Variants in RGS9BP observed in about 807,000 individuals in gnomAD.
The protein encoded by RGS9BP is regulator of G protein signaling 9-binding protein.
RGS9BP carries 1 observed loss-of-function variant against 3.8 expected under a neutral mutation model. The observed-to-expected ratio is 0.26, with a 90% CI of 0.09 to 1.24. The LOEUF (loss-of-function observed/expected upper bound fraction) is 1.24. Ranked by LOEUF, RGS9BP falls within the 50% of genes most tolerant of loss-of-function variation. RGS9BP has a pLI of 0.48. For synonymous variants in RGS9BP, 200 were observed against 177.8 expected (o/e 1.13, Z -1.00); for missense variants, 363 against 344.3 (o/e 1.05, Z -0.43).
In RGS9BP at chr19:32,676,573, C is replaced by G; in HGVS notation, c.310C>G (p.Pro104Ala). 1 of 1,407,792 alleles carries G rather than the reference C, an allele frequency of 7.1e-7. No homozygotes were observed. The highest frequency in any genetic ancestry group is 9.1e-7 in the Non-Finnish European group (1 of 1,094,112). The allele number at this position is 1,407,792 out of a possible 1,614,324, so 87.2% of individuals were successfully genotyped here. A position where few individuals can be genotyped will look rare whatever the true frequency, so the allele number is the denominator to read the frequency against. ...CGCGCTGGAGCTGGGCGCCGCGTTCCCGCTGCACGCGCCGCGGCGGCCGCT... is the reference window on the plus strand; with the variant it reads ...CGCGCTGGAGCTGGGCGCCGCGTTCGCGCTGCACGCGCCGCGGCGGCCGCT... ...RRALELGAAF[P>A]LHAPRRPLVR... is the part of the protein sequence containing the mutation. Residue 104 changes from proline (P) to alanine (A), a missense_variant, in exon 1 of 1, where the codon CCG (proline) becomes GCG (alanine). Pro to Ala is a conservative substitution (Grantham distance 27). Coordinates refer to ENST00000334176, the MANE Select transcript of RGS9BP (RefSeq NM_207391.3).
In RGS9BP at chr19:32,677,441, T is replaced by G. The variant is rs1968029952; in HGVS notation, c.*470T>G. On this transcript the variant is annotated 3_prime_UTR_variant, in exon 1 of 1. Coordinates refer to ENST00000334176, the MANE Select transcript of RGS9BP (RefSeq NM_207391.3). Reference sequence around the variant, plus strand: ...GGTCTGTTTCCCGGACAAGAAAAATTGCAATCAAATGTCAGCAGCTTTTAT... The same window carrying G: ...GGTCTGTTTCCCGGACAAGAAAAATGGCAATCAAATGTCAGCAGCTTTTAT... 5.6e-6 allele frequency: 1 copy of G among 178,168 alleles called. No homozygotes were observed. The highest frequency in any genetic ancestry group is 1.3e-5 in the Non-Finnish European group (1 of 74,942). The allele number at this position is 178,168 out of a possible 1,614,324, so 11.0% of individuals were successfully genotyped here.
chr19:32,677,079 G>A lies in RGS9BP; in HGVS notation c.*108G>A. On this transcript the variant is annotated 3_prime_UTR_variant, in exon 1 of 1. Coordinates refer to ENST00000334176, the MANE Select transcript of RGS9BP (RefSeq NM_207391.3). ...GGGGAGTGGTCCTAAAACCCCGTGT[G>A]TGCATGGGTACACGCGCGTTTCCAG... The A allele has an allele frequency of 1.1e-6, 1 of 946,438 alleles. No homozygotes were observed. Among genetic ancestry groups the A allele is most frequent in the Non-Finnish European group, 1.7e-6 (1 of 598,158 alleles). 58.6% of individuals were successfully genotyped at this position (946,438 alleles called of 1,614,324 possible). A position where few individuals can be genotyped will look rare whatever the true frequency, so the allele number is the denominator to read the frequency against.
chr19:32,676,148 AT>A lies in RGS9BP; in HGVS notation c.-115del. On this transcript the variant is annotated 5_prime_UTR_variant, in exon 1 of 1. An upstream start codon of the reference 5' UTR is lost. Transcript: ENST00000334176. Reference sequence around the variant, plus strand: ...GGTAGCGCCGAGCGAGTCACGGACCATGAAGAGCGTTCGTGCCGCGCGGCCC... The same window carrying A: ...GGTAGCGCCGAGCGAGTCACGGACCAGAAGAGCGTTCGTGCCGCGCGGCCC... 1.5e-6 allele frequency: 1 copy of A among 670,606 alleles called. No individual in the cohort carries two copies. The highest frequency in any genetic ancestry group is 3.1e-5 in the Admixed American group (1 of 32,196). The allele number at this position is 670,606 out of a possible 1,614,324, so 41.5% of individuals were successfully genotyped here. A position where few individuals can be genotyped will look rare whatever the true frequency, so the allele number is the denominator to read the frequency against.
chr19:32,675,941 A>T lies in RGS9BP; in HGVS notation c.-323A>T. ...GGCACCCACGGAGGATGGGGACCGCACCCTCAGCTTCGCAGGGAGCCACCG... is the reference window on the plus strand; with the variant it reads ...GGCACCCACGGAGGATGGGGACCGCTCCCTCAGCTTCGCAGGGAGCCACCG... On this transcript the variant is annotated 5_prime_UTR_variant, in exon 1 of 1. Coordinates refer to ENST00000334176, the MANE Select transcript of RGS9BP (RefSeq NM_207391.3). The T allele has an allele frequency of 3.6e-6, 1 of 280,114 alleles. No homozygotes were observed. The highest frequency in any genetic ancestry group is 1.0e-3 in the Middle Eastern group (1 of 1,004). The allele number at this position is 280,114 out of a possible 1,614,324, so 17.4% of individuals were successfully genotyped here.
chr19:32,676,392 G>T lies in RGS9BP; in HGVS notation c.129G>T (p.Thr43=). 6.2e-7 allele frequency: 1 copy of T among 1,609,038 alleles called. No homozygotes were observed. Among genetic ancestry groups the T allele is most frequent in the South Asian group, 1.1e-5 (1 of 90,988 alleles). ...SQNLRQELQK[T]RQKAQELAVS... ...ACCTGCGGCAGGAGCTGCAAAAGAC[G>T]CGCCAGAAGGCGCAGGAGCTGGCGG... Residue 43 remains threonine (T), a synonymous_variant, in exon 1 of 1, where the codon ACG becomes ACT. Transcript: ENST00000334176.
Position 32,676,803 on chromosome 19 carries a change from G to A in RGS9BP, c.540G>A (p.Ala180=), listed in dbSNP as rs762275547. Residue 180 remains alanine (A), a synonymous_variant, in exon 1 of 1, where the codon GCG becomes GCA. Transcript: ENST00000334176. ...GCTGGACCGTGCAAGCCCGGCAGGC[G>A]GCGGGCGCCGAGCTCCTGTCCACGG... ...VPRWTVQARQ[A]AGAELLSTVS... 72 of 1,584,772 alleles carry A rather than the reference G, an allele frequency of 4.5e-5. No homozygotes were observed. The Middle Eastern group carries it at 5.0e-4, about 11-fold the overall frequency.
chr19:32,676,431 C>T lies in RGS9BP; in HGVS notation c.168C>T (p.Ala56=). ...KAQELAVSTC[A]RLTAVLRDRG... ...AGGAGCTGGCGGTGTCCACCTGCGC[C>T]CGGCTGACTGCTGTGCTGCGCGACC... The change falls in exon 1 of 1, where the codon GCC becomes GCT. Residue 56 remains alanine, a synonymous_variant. Coordinates refer to ENST00000334176, the MANE Select transcript of RGS9BP (RefSeq NM_207391.3). 18 of 1,595,168 alleles carry T rather than the reference C, an allele frequency of 1.1e-5. No homozygotes were observed. Among genetic ancestry groups the T allele is most frequent in the Non-Finnish European group, 1.4e-5 (16 of 1,175,128 alleles).
rs1388246144 is a variant in RGS9BP, at chr19:32,676,474, G to T, written c.211G>T (p.Glu71Ter). The change falls in exon 1 of 1, where the codon GAG becomes TAG. Residue 71 changes from glutamate to a stop codon, truncating the protein, a stop_gained. Coordinates refer to ENST00000334176, the MANE Select transcript of RGS9BP (RefSeq NM_207391.3). LOFTEE classifies it low-confidence loss of function (END_TRUNC). Reference protein sequence around the residue: ...VLRDRGLAADERAEFERLWVA... With the variant: ...VLRDRGLAAD ...GCGCGACCGGGGCCTGGCCGCCGAC[G>T]AGCGCGCCGAGTTCGAGCGGCTCTG... 3.9e-6 allele frequency: 6 copies of T among 1,557,646 alleles called. No homozygotes were observed. The East Asian group carries it at 7.2e-5, about 19-fold the overall frequency.
At position 32,676,653 on chromosome 19, in the gene RGS9BP, C is replaced by T; in HGVS notation, c.390C>T (p.Ser130=). 1 of 1,533,134 alleles carries T rather than the reference C, an allele frequency of 6.5e-7. No homozygotes were observed. Among genetic ancestry groups the T allele is most frequent in the Non-Finnish European group, 8.7e-7 (1 of 1,145,486 alleles). The allele number at this position is 1,533,134 out of a possible 1,614,324, so 95.0% of individuals were successfully genotyped here. Residue 130 remains serine, a synonymous_variant, in exon 1 of 1, where the codon AGC becomes AGT. Transcript: ENST00000334176. ...ASSGVAARAL[S]TRSLRLEAEG... ...CCGGCGTGGCGGCGCGCGCGCTGAG[C>T]ACCCGCAGCCTGCGGCTCGAGGCGG...
chr19:32,676,432 C>T lies in RGS9BP; in HGVS notation c.169C>T (p.Arg57Trp), dbSNP rs1209608953. 27 of 1,593,922 alleles carry T rather than the reference C, an allele frequency of 1.7e-5. No individual in the cohort carries two copies. Among genetic ancestry groups the T allele is most frequent in the Non-Finnish European group, 2.1e-5 (25 of 1,174,660 alleles). Reference sequence around the variant, plus strand: ...GGAGCTGGCGGTGTCCACCTGCGCCCGGCTGACTGCTGTGCTGCGCGACCG... The same window carrying T: ...GGAGCTGGCGGTGTCCACCTGCGCCTGGCTGACTGCTGTGCTGCGCGACCG... Reference protein sequence around the residue: ...AQELAVSTCARLTAVLRDRGL... With the variant: ...AQELAVSTCAWLTAVLRDRGL... The change falls in exon 1 of 1, where the codon CGG becomes TGG. Residue 57 changes from arginine to tryptophan, a missense_variant. Physicochemically the swap from Arg to Trp is moderately radical, Grantham distance 101. Coordinates refer to ENST00000334176, the MANE Select transcript of RGS9BP (RefSeq NM_207391.3).
In RGS9BP at chr19:32,677,071, C is replaced by T. The variant is rs987744992; in HGVS notation, c.*100C>T. 9.6e-6 allele frequency: 10 copies of T among 1,038,738 alleles called. No individual in the cohort carries two copies. The Admixed American group carries it at 1.8e-4, about 19-fold the overall frequency. 64.3% of individuals were successfully genotyped at this position (1,038,738 alleles called of 1,614,324 possible). A position where few individuals can be genotyped will look rare whatever the true frequency, so the allele number is the denominator to read the frequency against. The stretch of plus-strand genomic sequence containing the variant: ...CTGTGCAAGGGGAGTGGTCCTAAAA[C>T]CCCGTGTGTGCATGGGTACACGCGC... On this transcript the variant is annotated 3_prime_UTR_variant, in exon 1 of 1. Transcript: ENST00000334176.
Position 32,677,075 on chromosome 19 carries a change from G to A in RGS9BP, c.*104G>A, listed in dbSNP as rs566484123. On this transcript the variant is annotated 3_prime_UTR_variant, in exon 1 of 1. Coordinates refer to ENST00000334176, the MANE Select transcript of RGS9BP (RefSeq NM_207391.3). ...GCAAGGGGAGTGGTCCTAAAACCCC[G>A]TGTGTGCATGGGTACACGCGCGTTT... 3.8e-5 allele frequency: 37 copies of A among 972,672 alleles called. No individual in the cohort carries two copies. Among genetic ancestry groups the A allele is most frequent in the Non-Finnish European group, 5.5e-5 (34 of 621,630 alleles). The allele number at this position is 972,672 out of a possible 1,614,324, so 60.3% of individuals were successfully genotyped here. A position where few individuals can be genotyped will look rare whatever the true frequency, so the allele number is the denominator to read the frequency against.
chr19:32,676,890 G>A lies in RGS9BP; in HGVS notation c.627G>A (p.Arg209=), dbSNP rs1463592434. 2 of 1,597,556 alleles carry A rather than the reference G, an allele frequency of 1.3e-6. No homozygotes were observed. The highest frequency in any genetic ancestry group is 1.7e-6 in the Non-Finnish European group (2 of 1,177,196). Residue 209 remains arginine, a synonymous_variant, in exon 1 of 1, where the codon AGG becomes AGA. Coordinates refer to ENST00000334176, the MANE Select transcript of RGS9BP (RefSeq NM_207391.3). The part of the protein sequence containing the change: ...LQERGGGCDP[R]KALAAILFGA... Reference sequence around the variant, plus strand: ...AGCGCGGGGGGGGTTGCGACCCCAGGAAGGCCCTGGCCGCCATCCTTTTCG... The same window carrying A: ...AGCGCGGGGGGGGTTGCGACCCCAGAAAGGCCCTGGCCGCCATCCTTTTCG...
In RGS9BP at chr19:32,677,148, G is replaced by C; in HGVS notation, c.*177G>C. 2 of 653,420 alleles carry C rather than the reference G, an allele frequency of 3.1e-6. No homozygotes were observed. Among genetic ancestry groups the C allele is most frequent in the South Asian group, 3.6e-5 (2 of 56,196 alleles). 40.5% of individuals were successfully genotyped at this position (653,420 alleles called of 1,614,324 possible). ...GGACACGGTTTCCTCTTGCTGGCCC[G>C]GGAGGAGTTAACTTTGCGCCGGCCG... On this transcript the variant is annotated 3_prime_UTR_variant, in exon 1 of 1. Coordinates refer to ENST00000334176, the MANE Select transcript of RGS9BP (RefSeq NM_207391.3).
chr19:32,676,206 C>T lies in RGS9BP; in HGVS notation c.-58C>T. 6 of 1,272,340 alleles carry T rather than the reference C, an allele frequency of 4.7e-6. No individual in the cohort carries two copies. The highest frequency in any genetic ancestry group is 5.5e-6 in the Non-Finnish European group (5 of 911,990). The allele number at this position is 1,272,340 out of a possible 1,614,324, so 78.8% of individuals were successfully genotyped here. A position where few individuals can be genotyped will look rare whatever the true frequency, so the allele number is the denominator to read the frequency against. Reference sequence around the variant, plus strand: ...GGGATGGGGGTTAGCCACATCCTGCCGCGCTGAGGGGGAGGCTAACGGGCG... The same window carrying T: ...GGGATGGGGGTTAGCCACATCCTGCTGCGCTGAGGGGGAGGCTAACGGGCG... On this transcript the variant is annotated 5_prime_UTR_variant, in exon 1 of 1. Transcript: ENST00000334176.
chr19:32,676,952 G>T lies in RGS9BP; in HGVS notation c.689G>T (p.Cys230Phe). The change falls in exon 1 of 1, where the codon TGC (cysteine) becomes TTC (phenylalanine). Residue 230 changes from cysteine (C) to phenylalanine (F), a missense_variant. Transcript: ENST00000334176. ...CTGGCGGCTGTGGCCCTAGCCGTGT[G>T]CGTGGCGAAGCTGAGCTGACGGACA... ...VLLAAVALAVCVAKLS is the reference protein window; with the variant it reads ...VLLAAVALAVFVAKLS 1 of 1,603,322 alleles carries T rather than the reference G, an allele frequency of 6.2e-7. No individual in the cohort carries two copies. Among genetic ancestry groups the T allele is most frequent in the Non-Finnish European group, 8.5e-7 (1 of 1,178,160 alleles).
Position 32,676,968 on chromosome 19 carries a change from C to G in RGS9BP, c.705C>G (p.Ser235Arg), listed in dbSNP as rs1419990709. 1 of 1,601,968 alleles carries G rather than the reference C, an allele frequency of 6.2e-7. No homozygotes were observed. The highest frequency in any genetic ancestry group is 2.2e-5 in the East Asian group (1 of 44,576). Reference protein sequence around the residue: ...VALAVCVAKLS With the variant: ...VALAVCVAKLR ...TAGCCGTGTGCGTGGCGAAGCTGAG[C>G]TGACGGACACCCGACGGCCGCCTGC... The change falls in exon 1 of 1, where the codon AGC becomes AGG. Residue 235 changes from serine to arginine, a missense_variant. Ser to Arg is a moderately radical substitution (Grantham distance 110). Transcript: ENST00000334176.
rs1415540597 is a variant in RGS9BP at position 32,676,091 on chromosome 19, G to T, written c.-173G>T. On this transcript the variant is annotated 5_prime_UTR_variant, in exon 1 of 1. Transcript: ENST00000334176. ...CGCCCCGTCCGCAGAGGCGCACGTC[G>T]AGGGTCCCGGGCGGGCTCCGTGGAC... is the stretch of plus-strand genomic sequence containing the variant. 2 of 547,046 alleles carry T rather than the reference G, an allele frequency of 3.7e-6. No homozygotes were observed. The highest frequency in any genetic ancestry group is 6.4e-6 in the Non-Finnish European group (2 of 314,402). The allele number at this position is 547,046 out of a possible 1,614,324, so 33.9% of individuals were successfully genotyped here. A position where few individuals can be genotyped will look rare whatever the true frequency, so the allele number is the denominator to read the frequency against.
Position 32,676,437 on chromosome 19 carries a change from G to T in RGS9BP, c.174G>T (p.Leu58=), listed in dbSNP as rs1288168820. Residue 58 remains leucine, a synonymous_variant, in exon 1 of 1, where the codon CTG becomes CTT. Coordinates refer to ENST00000334176, the MANE Select transcript of RGS9BP (RefSeq NM_207391.3). The stretch of plus-strand genomic sequence containing the variant: ...TGGCGGTGTCCACCTGCGCCCGGCT[G>T]ACTGCTGTGCTGCGCGACCGGGGCC... ...QELAVSTCAR[L]TAVLRDRGLA... 1.9e-6 allele frequency: 3 copies of T among 1,592,304 alleles called. No individual in the cohort carries two copies. The highest frequency in any genetic ancestry group is 2.2e-5 in the South Asian group (2 of 89,778).
Sources: allele counts gnomAD v4.1 joint callset, GRCh38; gene constraint gnomAD v4.1.1; transcripts MANE v1.5; gene names NCBI Gene and HGNC (gene_info 2026-07-23, HGNC 2026-07-21).